The following THBS2 variants were observed in gnomAD, a reference collection of about 807,000 sequenced individuals.
The protein encoded by THBS2 is thrombospondin-2.
A neutral mutation model predicts 135.2 loss-of-function variants in THBS2; 47 were observed. That is an observed-to-expected ratio of 0.35 (90% CI 0.28 to 0.44). THBS2 has a LOEUF of 0.44. THBS2 is among the 20% of genes least tolerant of loss of function. The pLI is 1.00. For synonymous variants in THBS2, 639 were observed against 633.8 expected, an observed-to-expected ratio of 1.01 and a Z score of -0.12; for missense variants, 1,288 against 1,603.1, an observed-to-expected ratio of 0.80 and a Z score of 3.36.
chr6:169,242,606 A>C (rs1274709122), intron 4 of THBS2, among the ~76,000 whole-genome samples: 5 of 51,080 alleles, frequency 9.8e-5, no homozygotes, highest in Admixed American at 6.3e-4. Context: ...CCACATTCCC[A>C]CCTTCCCACC....
chr6:169,233,395 C>T (rs1779920773), intron 10 of THBS2, among the ~76,000 whole-genome samples: 1 of 151,848 alleles, frequency 6.6e-6, no homozygotes, highest in African/African-American at 2.4e-5. Flanking sequence ...CACAACTACC[C>T]ACGTGCCACC....
intron 1 of THBS2, chr6:169,251,887 GT>G (rs1425892023): frequency 2.1e-5 from 3 of 142,886 alleles, no homozygotes; most frequent in Non-Finnish European, 1.5e-5. Flanking sequence ...CTTGGTGATT[GT>G]TTCATCTGTC....
rs373133312 is a variant in THBS2 at position 169,226,240 on chromosome 6, C to T, written c.2478G>A (p.Thr826=). Residue 826 remains threonine (T), a synonymous_variant, in exon 16 of 22, where the codon ACG becomes ACA. Coordinates refer to ENST00000617924, the MANE Select transcript of THBS2 (RefSeq NM_003247.5). ...AGTGATCCCCCACACCGTCACCATC[C>T]GTGTCCCTCTGGTCAGTGTTGTAGA... ...PYVYNTDQRD[T]DGDGVGDHCD... is the part of the protein sequence containing the mutation. 57 of 1,614,062 alleles carry T rather than the reference C, an allele frequency of 3.5e-5. No homozygotes were observed. The East Asian group carries it at 4.2e-4, about 12-fold the overall frequency.
In THBS2 at chr6:169,222,440, G is replaced by A. The variant is rs1779460191; in HGVS notation, c.3030C>T (p.Phe1010=). 1 of 1,613,740 alleles carries A rather than the reference G, an allele frequency of 6.2e-7. No homozygotes were observed. Among genetic ancestry groups the A allele is most frequent in the Non-Finnish European group, 8.5e-7 (1 of 1,180,022 alleles). ...VGFDEFGSVD[F]SGTFYVNTDR... ...CAGTGTTTACGTAGAATGTGCCACT[G>A]AAGTCCACAGACCCAAACTCGTCAA... The change falls in exon 19 of 22, where the codon TTC becomes TTT. Residue 1010 remains phenylalanine, a synonymous_variant. Transcript: ENST00000617924.
At chr6:169,251,109 T>G (rs1183382606) in intron 1 of THBS2, among the ~76,000 whole-genome samples, 1 of 152,196 alleles carries the variant, frequency 6.6e-6, no homozygotes, top group Non-Finnish European at 1.5e-5. Context: ...ATTGTCCTCA[T>G]TTTACAGATG....
chr6:169,236,911 T>G (rs1780113417), intron 9 of THBS2, among the ~76,000 whole-genome samples: 1 of 152,258 alleles, frequency 6.6e-6, no homozygotes. Flanking sequence ...CTTCCTTTAA[T>G]TACAGTCTGT....
chr6:169,226,370 G>GT, intron 15 of THBS2, 72 bp from the exon 16 acceptor site: 1 of 1,214,884 alleles, frequency 8.2e-7, no homozygotes, highest in Non-Finnish European at 1.2e-6. Context: ...AAAGCACATT[G>GT]TTTTTCCTAT....
At chr6:169,243,188 TCTCCCACCTTCCCACCA>T (rs1426660929) in intron 4 of THBS2, among the ~76,000 whole-genome samples, 4 of 89,828 alleles carry the variant, frequency 4.5e-5, no homozygotes, top group South Asian at 4.6e-4. Flanking sequence ...CCTTCCCACC[TCTCCCACCTTCCCACCA>T]CTCCCACCTT....
At position 169,245,770 on chromosome 6, in the gene THBS2, T is replaced by C. The variant is rs368066924; in HGVS notation, c.694+427A>G. ...TCGCACCACTGCACTCCAGCCTGGG[T>C]GACAGAGTGAGACTCTGGCTCAAAA... On this transcript the variant is annotated intron_variant, in intron 4 of 21. Transcript: ENST00000617924. 1.6e-3 allele frequency among the ~76,000 whole-genome samples: 219 copies of C among 139,822 alleles called. 1 individual carries two copies. Among genetic ancestry groups the C allele is most frequent in the South Asian group, 7.6e-3 (33 of 4,356 alleles). The allele number at this position is 139,822 out of a possible 152,430, so 91.7% of individuals were successfully genotyped here.
Position 169,232,889 on chromosome 6 carries a change from C to A in THBS2, c.1779+1G>T, listed in dbSNP as rs1779897155. The A allele has an allele frequency of 6.3e-7, 1 of 1,597,706 alleles. No homozygotes were observed. Among genetic ancestry groups the A allele is most frequent in the Non-Finnish European group, 8.5e-7 (1 of 1,171,962 alleles). Reference sequence around the variant, plus strand: ...CCACAGCCCAGGGCGGGGTCACCCACCTCGTCCAGGTCCTCACAGTGGGTG... The same window carrying A: ...CCACAGCCCAGGGCGGGGTCACCCAACTCGTCCAGGTCCTCACAGTGGGTG... On this transcript the variant is annotated splice_donor_variant, in intron 11 of 21. Coordinates refer to ENST00000617924, the MANE Select transcript of THBS2 (RefSeq NM_003247.5). LOFTEE classifies it high-confidence loss of function.
At position 169,232,202 on chromosome 6, in the gene THBS2, C is replaced by G. The variant is rs369848438; in HGVS notation, c.1933-4G>C. 3 of 1,610,716 alleles carry G rather than the reference C, an allele frequency of 1.9e-6. No individual in the cohort carries two copies. The highest frequency in any genetic ancestry group is 2.7e-5 in the African/African-American group (2 of 74,804). On this transcript the variant is annotated splice_polypyrimidine_tract_variant and splice_region_variant and intron_variant, in intron 12 of 21. Transcript: ENST00000617924. ...ATGGGTTTTCGGGCTCACACACCTA[C>G]GGGGAGAAGGGCTGCGGGGTTAGCG...
At chr6:169,229,280 A>T (rs958285470) in intron 14 of THBS2, among the ~76,000 whole-genome samples, 1 of 152,254 alleles carries the variant, frequency 6.6e-6, no homozygotes, top group Non-Finnish European at 1.5e-5. Flanking sequence ...AGCCTTGCCC[A>T]TCACTGGCTC....
chr6:169,245,069 G>A (rs968012630), intron 4 of THBS2, among the ~76,000 whole-genome samples: 14 of 152,206 alleles, frequency 9.2e-5, no homozygotes, highest in African/African-American at 2.7e-4. Context: ...TGACATAACA[G>A]TTTACGCTTG....
intron 18 of THBS2, among the ~76,000 whole-genome samples, chr6:169,222,779 A>G (rs1454679429): frequency 6.7e-6 from 1 of 149,976 alleles, no homozygotes; most frequent in Non-Finnish European, 1.5e-5. Flanking sequence ...GGGGGACAAG[A>G]GCAAGACTCC....
intron 4 of THBS2, 79 bp downstream of exon 4, chr6:169,246,118 C>T: frequency 8.3e-6 from 8 of 966,986 alleles, no homozygotes; most frequent in Non-Finnish European, 1.2e-5. Flanking sequence ...CACACACATA[C>T]ACACACACAC....
At chr6:169,218,359 T>TGATG (rs150572952) in intron 21 of THBS2, among the ~76,000 whole-genome samples, 52,454 of 131,712 alleles carry the variant, frequency 0.4, 10,661 homozygotes, top group African/African-American at 0.52. Flanking sequence ...TGAGATGAAT[T>TGATG]GATGGATGGA....
At chr6:169,239,371 G>T in intron 7 of THBS2, 4 of 565,512 alleles carry the variant, frequency 7.1e-6, no homozygotes, top group Non-Finnish European at 1.3e-5. Context: ...AGAAGCATCA[G>T]GACTGGCCTT....
Position 169,241,011 on chromosome 6 carries a change from CATCGA to C in THBS2, c.892-424_892-420del, listed in dbSNP as rs2115016107. On this transcript the variant is annotated intron_variant, in intron 5 of 21. Coordinates refer to ENST00000617924, the MANE Select transcript of THBS2 (RefSeq NM_003247.5). This position sits in a 1 kb window ranked among gnomAD's most constrained non-coding sequence, Gnocchi z 5.5. Reference sequence around the variant, plus strand: ...CACCCTCCCTGCCCCGGTCTCCTGCCATCGACCCCCTCCCTGCCCCAGGCTCCTGC... The same window carrying C: ...CACCCTCCCTGCCCCGGTCTCCTGCCCCCCCTCCCTGCCCCAGGCTCCTGC... Among the ~76,000 whole-genome samples, 2 of 149,776 alleles carry C rather than the reference CATCGA, an allele frequency of 1.3e-5. No homozygotes were observed. Among genetic ancestry groups the C allele is most frequent in the African/African-American group, 5.1e-5 (2 of 39,502 alleles).
chr6:169,251,315 A>G lies in THBS2; in HGVS notation c.-22-509T>C, dbSNP rs929374632. 8.0e-5 allele frequency among the ~76,000 whole-genome samples: 12 copies of G among 150,012 alleles called. No homozygotes were observed. The East Asian group carries it at 2.1e-3, about 27-fold the overall frequency. ...ACCTAATTAAATAGAATGAATATCA[A>G]CTGTAAAAAAAAGTTACAAATAAAC... is the stretch of plus-strand genomic sequence containing the variant. On this transcript the variant is annotated intron_variant, in intron 1 of 21. Transcript: ENST00000617924.
Sources: gnomAD v4.1 joint callset for allele counts (sites outside exome capture counted in the v4.1 genomes callset) on GRCh38, gnomAD v4.1.1 for gene constraint, Gnocchi (gnomAD v3.1) non-coding constraint, MANE v1.5 for transcripts, NCBI Gene and HGNC (gene_info 2026-07-23, HGNC 2026-07-21) for gene names.